Variants in WSB1 observed in about 807,000 individuals in gnomAD.
WSB1 encodes WD repeat and SOCS box-containing protein 1.
WSB1 carries 23 observed loss-of-function variants against 50.2 expected under a neutral mutation model. The observed-to-expected ratio is 0.46, with a 90% CI of 0.33 to 0.65. The LOEUF is 0.65. Among genes scored for constraint, WSB1 ranks in the 30% least tolerant of loss-of-function variants. The pLI, the probability that WSB1 is intolerant of heterozygous loss-of-function variation, is 0.02. For missense variants in WSB1, 492 were observed against 522.3 expected, an observed-to-expected ratio of 0.94 and a Z score of 0.56; for synonymous variants, 179 against 172.0, an observed-to-expected ratio of 1.04 and a Z score of -0.32.
In WSB1 at chr17:27,313,366, A is replaced by G. The variant is rs956448736; in HGVS notation, c.*997A>G. The G allele has an allele frequency of 6.6e-6, 1 of 152,162 alleles. No individual in the cohort carries two copies. Among genetic ancestry groups the G allele is most frequent in the Admixed American group, 6.6e-5 (1 of 15,248 alleles). The allele number at this position is 152,162 out of a possible 1,614,324, so 9.4% of individuals were successfully genotyped here. ...GTATTATAAATTGTTGTGAATTTGA[A>G]GAATCCGTCTACTGTATTATTGCTA... On this transcript the variant is annotated 3_prime_UTR_variant, in exon 9 of 9. Coordinates refer to ENST00000262394, the MANE Select transcript of WSB1 (RefSeq NM_015626.10).
intron 5 of WSB1, chr17:27,308,182 AG>A: frequency 1.0e-6 from 1 of 990,424 alleles, no homozygotes; most frequent in Non-Finnish European, 1.2e-6. Flanking sequence ...ATTTTCTTTT[AG>A]AAATAATGTA....
intron 5 of WSB1, chr17:27,307,978 A>G (rs1156388802): frequency 3.2e-6 from 4 of 1,247,180 alleles, no homozygotes; most frequent in Non-Finnish European, 4.0e-6. Flanking sequence ...TTTTAAAGTA[A>G]TTTCCCCCAC....
Position 27,294,208 on chromosome 17 carries a change from C to A in WSB1, c.-188C>A. ...TCTATTGTCTGTGGTTGACTCCGTA[C>A]TTTGGTCTGAGGCCTTCGGGAGCTT... On this transcript the variant is annotated 5_prime_UTR_variant, in exon 1 of 9. Transcript: ENST00000262394. 1.6e-6 allele frequency: 1 copy of A among 643,326 alleles called. No homozygotes were observed. Among genetic ancestry groups the A allele is most frequent in the East Asian group, 2.9e-5 (1 of 34,268 alleles). The allele number at this position is 643,326 out of a possible 1,614,324, so 39.9% of individuals were successfully genotyped here. A position where few individuals can be genotyped will look rare whatever the true frequency, so the allele number is the denominator to read the frequency against.
At chr17:27,296,754 T>C (rs1362958034) in intron 1 of WSB1, among the ~76,000 whole-genome samples, 2 of 152,220 alleles carry the variant, frequency 1.3e-5, no homozygotes, top group East Asian at 3.8e-4. Flanking sequence ...TTACGGCTGA[T>C]TTCCCATGGC....
At chr17:27,303,183 A>G in intron 2 of WSB1, 184 bp from the exon 3 acceptor site, 1 of 616,378 alleles carries the variant, frequency 1.6e-6, no homozygotes, top group Non-Finnish European at 2.6e-6. Context: ...GAGAATTTCT[A>G]TTAATGTCCT....
intron 7 of WSB1, 39 bp from the exon 8 acceptor site, chr17:27,311,470 A>G: frequency 6.5e-6 from 10 of 1,543,232 alleles, no homozygotes; most frequent in Middle Eastern, 1.7e-4. Context: ...TTTACCTTAC[A>G]TTTTCTACAA....
chr17:27,298,427 T>TAA (rs914353256), intron 1 of WSB1, among the ~76,000 whole-genome samples: 1 of 151,164 alleles, frequency 6.6e-6, no homozygotes, highest in African/African-American at 2.4e-5. Context: ...GAATCCAAGT[T>TAA]AAAAAAAAAG....
chr17:27,312,494 T>A lies in WSB1; in HGVS notation c.*125T>A. On this transcript the variant is annotated 3_prime_UTR_variant, in exon 9 of 9. Coordinates refer to ENST00000262394, the MANE Select transcript of WSB1 (RefSeq NM_015626.10). ...ATTTATTTAATTTGATATGTTCTTGTACTGCATTTTGATCAGTTGAGCTTT... is the reference window on the plus strand; with the variant it reads ...ATTTATTTAATTTGATATGTTCTTGAACTGCATTTTGATCAGTTGAGCTTT... 12 of 1,262,038 alleles carry A rather than the reference T, an allele frequency of 9.5e-6. No individual in the cohort carries two copies. The South Asian group carries it at 1.7e-4, about 18-fold the overall frequency. The allele number at this position is 1,262,038 out of a possible 1,614,324, so 78.2% of individuals were successfully genotyped here. A position where few individuals can be genotyped will look rare whatever the true frequency, so the allele number is the denominator to read the frequency against.
intron 4 of WSB1, among the ~76,000 whole-genome samples, chr17:27,305,724 A>G (rs148811592): frequency 1.1e-3 from 175 of 152,356 alleles, no homozygotes; most frequent in African/African-American, 4.0e-3. Flanking sequence ...ATAAAGTTCT[A>G]TGCTAACATT....
intron 7 of WSB1, among the ~76,000 whole-genome samples, chr17:27,310,827 T>A (rs1364424033): frequency 6.6e-6 from 1 of 152,118 alleles, no homozygotes. Flanking sequence ...GGTGAAAAGC[T>A]TTTTTTCCTT....
At chr17:27,306,979 G>A (rs1243075108) in intron 5 of WSB1, 97 bp downstream of exon 5, 6 of 1,144,842 alleles carry the variant, frequency 5.2e-6, no homozygotes, top group African/African-American at 1.6e-5. Flanking sequence ...GTCTGTGCTC[G>A]GTGTCATGAA....
Position 27,294,543 on chromosome 17 carries a change from G to T in WSB1, c.40+108G>T. On this transcript the variant is annotated intron_variant, in intron 1 of 8. Coordinates refer to ENST00000262394, the MANE Select transcript of WSB1 (RefSeq NM_015626.10). ...CCAAGTCTGAGGGAAGAGCTCCAGT[G>T]CGCCAGGGCCAGCCCACTAGCGAGG... 9.4e-6 allele frequency: 14 copies of T among 1,494,536 alleles called. 1 individual carries two copies. Among genetic ancestry groups the T allele is most frequent in the South Asian group, 6.0e-5 (5 of 83,612 alleles). 92.6% of individuals were successfully genotyped at this position (1,494,536 alleles called of 1,614,324 possible).
At chr17:27,304,985 G>A (rs1597761151) in intron 4 of WSB1, 74 bp downstream of exon 4, 1 of 1,562,034 alleles carries the variant, frequency 6.4e-7, no homozygotes, top group East Asian at 2.3e-5. Context: ...GGGAACATGT[G>A]GGGCATTTGA....
chr17:27,303,338 C>A (rs918706146), intron 2 of WSB1, 29 bp from the exon 3 acceptor site: 1 of 1,607,504 alleles, frequency 6.2e-7, no homozygotes, highest in Admixed American at 1.7e-5. Context: ...AATAATAATA[C>A]AATTTCCATC....
At chr17:27,301,682 G>A in intron 1 of WSB1, 106 bp from the exon 2 acceptor site, 1 of 1,183,558 alleles carries the variant, frequency 8.4e-7, no homozygotes, top group Non-Finnish European at 1.2e-6. Flanking sequence ...ACTATACCCT[G>A]TCTGCATAGA....
rs1341520798 is a variant in WSB1 at position 27,315,508 on chromosome 17, A to T, written c.*3139A>T. 1 of 152,222 alleles carries T rather than the reference A, an allele frequency of 6.6e-6. No homozygotes were observed. The highest frequency in any genetic ancestry group is 1.5e-5 in the Non-Finnish European group (1 of 68,046). The allele number at this position is 152,222 out of a possible 1,614,324, so 9.4% of individuals were successfully genotyped here. ...ACACTGCTCTTGGGTCGGCAAGACC[A>T]AAAAAGGTTGGACTGCACTGTAGCA... On this transcript the variant is annotated 3_prime_UTR_variant, in exon 9 of 9. Coordinates refer to ENST00000262394, the MANE Select transcript of WSB1 (RefSeq NM_015626.10).
chr17:27,309,129 C>T lies in WSB1; in HGVS notation c.741C>T (p.Thr247=), dbSNP rs555105758. Residue 247 remains threonine (T), a synonymous_variant, in exon 6 of 9, where the codon ACC becomes ACT. Coordinates refer to ENST00000262394, the MANE Select transcript of WSB1 (RefSeq NM_015626.10). ...TCCTTTGGAATATGGATAAATACAC[C>T]ATGATACGGAAACTAGAAGGACATC... The part of the protein sequence containing the change: ...AVFLWNMDKY[T]MIRKLEGHHH... The T allele has an allele frequency of 8.1e-6, 13 of 1,609,696 alleles. No individual in the cohort carries two copies. The East Asian group carries it at 2.7e-4, about 33-fold the overall frequency.
intron 6 of WSB1, 71 bp downstream of exon 6, chr17:27,309,343 C>A: frequency 8.0e-7 from 1 of 1,255,236 alleles, no homozygotes; most frequent in Non-Finnish European, 1.1e-6. Context: ...TAATTACAAT[C>A]ACCAATATAT....
intron 5 of WSB1, chr17:27,307,320 C>T (rs1300898942): frequency 1.4e-5 from 3 of 212,710 alleles, no homozygotes; most frequent in Non-Finnish European, 2.8e-5. Context: ...AAATAGCACT[C>T]ATGTATGTCC....
Sources: allele counts gnomAD v4.1 joint callset (sites outside exome capture counted in the v4.1 genomes callset), GRCh38; gene constraint gnomAD v4.1.1; transcripts MANE v1.5; gene names NCBI Gene and HGNC (gene_info 2026-07-23, HGNC 2026-07-21).